Variants in VPS13D observed in about 807,000 individuals in gnomAD.
VPS13D encodes the protein vacuolar protein sorting 13 homolog D.
VPS13D carries 187 observed loss-of-function variants against 461.9 expected under a neutral mutation model. The ratio of observed to expected loss-of-function variants is 0.40; its 90% confidence interval spans 0.36 to 0.46. The LOEUF (loss-of-function observed/expected upper bound fraction) is 0.46. Among genes scored for constraint, VPS13D ranks in the 20% least tolerant of loss-of-function variants. The probability of loss-of-function intolerance (pLI) is 0.60; values close to 1 mark genes in which losing one functional copy is unlikely to be tolerated. For missense variants in VPS13D, 4,711 were observed against 5,364.9 expected (o/e 0.88, Z 3.81); for synonymous variants, 1,951 against 1,986.3 (o/e 0.98, Z 0.47).
chr1:12,377,063 C>CTT (rs1257411547), intron 55 of VPS13D, among the ~76,000 whole-genome samples: 1 of 143,804 alleles, frequency 7.0e-6, no homozygotes, highest in Non-Finnish European at 1.5e-5. Context: ...TTTTTTCTTT[C>CTT]TTTTTTTTTT....
rs576578100 is a variant in VPS13D at position 12,368,630 on chromosome 1, G to A, written c.10572+39G>A. 1.9e-5 allele frequency: 31 copies of A among 1,596,478 alleles called. No homozygotes were observed. The South Asian group carries it at 3.0e-4, about 15-fold the overall frequency. ...CTGAGAGCCAGTTTGACTGTTTCAT[G>A]TGTGGGAGGGTGGAGTGTGTACTGC... On this transcript the variant is annotated intron_variant, in intron 53 of 69. Coordinates refer to ENST00000620676, the MANE Select transcript of VPS13D (RefSeq NM_015378.4).
intron 43 of VPS13D, 118 bp downstream of exon 43, chr1:12,345,627 A>G: frequency 7.1e-7 from 1 of 1,403,734 alleles, no homozygotes; most frequent in Non-Finnish European, 9.6e-7. Flanking sequence ...TAATTCTAGG[A>G]CTGACTGGGT....
At chr1:12,335,452 T>G (rs1341287786) in intron 38 of VPS13D, among the ~76,000 whole-genome samples, 1 of 152,198 alleles carries the variant, frequency 6.6e-6, no homozygotes, top group Non-Finnish European at 1.5e-5. Context: ...ATCTATAGAT[T>G]GGTTTGAAGA....
intron 60 of VPS13D, among the ~76,000 whole-genome samples, chr1:12,386,625 A>G (rs373344176): frequency 7.2e-5 from 11 of 152,340 alleles, no homozygotes; most frequent in South Asian, 2.1e-4. Context: ...TCATCTAACC[A>G]TCATTCGGAG....
At chr1:12,469,772 A>C (rs1056224817) in intron 67 of VPS13D, among the ~76,000 whole-genome samples, 2 of 152,186 alleles carry the variant, frequency 1.3e-5, no homozygotes, top group Non-Finnish European at 2.9e-5. Flanking sequence ...TCTTACAATA[A>C]TTTACCTAAT....
At position 12,463,123 on chromosome 1, in the gene VPS13D, G is replaced by A. The variant is rs551343840; in HGVS notation, c.12662+2727G>A. Reference sequence around the variant, plus strand: ...TGCAAGTTTCATGAGACAGCGATCTGCCTAACCATTCACTCCTCCTAGAAG... The same window carrying A: ...TGCAAGTTTCATGAGACAGCGATCTACCTAACCATTCACTCCTCCTAGAAG... On this transcript the variant is annotated intron_variant, in intron 67 of 69. Coordinates refer to ENST00000620676, the MANE Select transcript of VPS13D (RefSeq NM_015378.4). Among the ~76,000 whole-genome samples, 63 of 152,114 alleles carry A rather than the reference G, an allele frequency of 4.1e-4. 1 individual carries two copies. In the South Asian group the frequency reaches 0.013, roughly 31 times the overall value.
chr1:12,299,057 G>T lies in VPS13D; in HGVS notation c.6034-145G>T. On this transcript the variant is annotated intron_variant, in intron 24 of 69. Transcript: ENST00000620676. This position sits in a 1 kb window ranked among gnomAD's most constrained non-coding sequence, Gnocchi z 4.2. ...ATTATCTTCTTGTTACTGACTTCCA[G>T]TTTAACTCCATGGTGGTCATAGAAT... The T allele has an allele frequency of 1.5e-6, 1 of 653,796 alleles. No homozygotes were observed. Among genetic ancestry groups the T allele is most frequent in the East Asian group, 3.1e-5 (1 of 32,152 alleles). 40.5% of individuals were successfully genotyped at this position (653,796 alleles called of 1,614,324 possible). A position where few individuals can be genotyped will look rare whatever the true frequency, so the allele number is the denominator to read the frequency against.
At position 12,362,703 on chromosome 1, in the gene VPS13D, G is replaced by A. The variant is rs778445110; in HGVS notation, c.10142-17G>A. ...TCTTCATGGTTAACTCATAAAAGTG[G>A]TTCTTGTTATTTGTAGGTATTGATG... is the stretch of plus-strand genomic sequence containing the variant. On this transcript the variant is annotated splice_polypyrimidine_tract_variant and intron_variant, in intron 50 of 69. Transcript: ENST00000620676. 1.2e-6 allele frequency: 2 copies of A among 1,611,988 alleles called. No individual in the cohort carries two copies. The highest frequency in any genetic ancestry group is 2.2e-5 in the South Asian group (2 of 90,620).
intron 68 of VPS13D, among the ~76,000 whole-genome samples, chr1:12,504,865 G>A (rs998495623): frequency 6.6e-6 from 1 of 152,176 alleles, no homozygotes; most frequent in African/African-American, 2.4e-5. Context: ...GGGTGTGAGA[G>A]CATCTGCCCG....
chr1:12,384,228 A>G (rs1478775054), intron 58 of VPS13D, among the ~76,000 whole-genome samples: 1 of 152,160 alleles, frequency 6.6e-6, no homozygotes, highest in Non-Finnish European at 1.5e-5. Context: ...ATGGATAGAA[A>G]TGAGAGCTTA....
At chr1:12,363,943 C>A in intron 52 of VPS13D, among the ~76,000 whole-genome samples, 1 of 83,504 alleles carries the variant, frequency 1.2e-5, no homozygotes, top group Non-Finnish European at 2.1e-5. Context: ...CAGAGTAAGA[C>A]TCTATCTCAA....
chr1:12,475,641 G>A (rs1645621197), intron 67 of VPS13D, among the ~76,000 whole-genome samples: 1 of 152,238 alleles, frequency 6.6e-6, no homozygotes, highest in Admixed American at 6.5e-5. Context: ...AAGGGATTGA[G>A]TCTGTAGCCA....
chr1:12,230,058 G>A lies in VPS13D; in HGVS notation c.-139G>A, dbSNP rs996883960. On this transcript the variant is annotated 5_prime_UTR_variant, in exon 1 of 70. Coordinates refer to ENST00000620676, the MANE Select transcript of VPS13D (RefSeq NM_015378.4). The stretch of plus-strand genomic sequence containing the variant: ...AGCGCCGCGGGCCTGCGCCATTGAG[G>A]AGCGGCGGGGAGGAAACGCCGCGCA... 5 of 151,916 alleles carry A rather than the reference G, an allele frequency of 3.3e-5. No individual in the cohort carries two copies. The highest frequency in any genetic ancestry group is 1.2e-4 in the African/African-American group (5 of 41,406). The allele number at this position is 151,916 out of a possible 1,614,324, so 9.4% of individuals were successfully genotyped here.
Position 12,415,247 on chromosome 1 carries a change from G to T in VPS13D, c.12165+26G>T, listed in dbSNP as rs773434676. On this transcript the variant is annotated intron_variant, in intron 64 of 69. Transcript: ENST00000620676. ...GTGAGGCTTGGAGAAGTAATCATTG[G>T]CTGGAGCATAAGCAGAATGTTTGTT... is the stretch of plus-strand genomic sequence containing the variant. The T allele has an allele frequency of 1.4e-5, 23 of 1,613,558 alleles. 1 individual carries two copies. The South Asian group carries it at 2.2e-4, about 15-fold the overall frequency.
chr1:12,464,597 T>C (rs12731666), intron 67 of VPS13D, among the ~76,000 whole-genome samples: 28,667 of 152,030 alleles, frequency 0.19, 3,324 homozygotes, highest in Middle Eastern at 0.27. Context: ...TTCTTTTAGA[T>C]TAAAATACTT....
intron 17 of VPS13D, 41 bp downstream of exon 17, chr1:12,271,165 G>A: frequency 6.2e-7 from 1 of 1,611,938 alleles, no homozygotes; most frequent in Non-Finnish European, 8.5e-7. Context: ...GATTGGGGAA[G>A]GGGCAGGAAT....
intron 39 of VPS13D, 43 bp downstream of exon 39, chr1:12,335,870 C>A: frequency 3.7e-6 from 6 of 1,611,694 alleles, no homozygotes; most frequent in Non-Finnish European, 5.1e-6. Flanking sequence ...TCACTTTTGA[C>A]CTACAAAGCA....
chr1:12,359,757 T>A (rs535103227), intron 50 of VPS13D, among the ~76,000 whole-genome samples: 2 of 152,376 alleles, frequency 1.3e-5, no homozygotes, highest in East Asian at 3.8e-4. Flanking sequence ...CCTTGACATG[T>A]GAACTGTCTT....
chr1:12,432,125 G>A (rs2100301874), intron 65 of VPS13D, among the ~76,000 whole-genome samples: 1 of 152,286 alleles, frequency 6.6e-6, no homozygotes, highest in African/African-American at 2.4e-5. Flanking sequence ...CAGGTGCGGT[G>A]GCTTACACCT....
Sources: gnomAD v4.1 joint callset for allele counts (sites outside exome capture counted in the v4.1 genomes callset) on GRCh38, gnomAD v4.1.1 for gene constraint, Gnocchi (gnomAD v3.1) non-coding constraint, MANE v1.5 for transcripts, NCBI Gene and HGNC (gene_info 2026-07-23, HGNC 2026-07-21) for gene names.